The following NRG3 variants were observed in gnomAD, a reference collection of about 807,000 sequenced individuals.
The protein encoded by NRG3 is neuregulin 3.
In NRG3, 31 loss-of-function variants were observed where a neutral mutation model predicts 66.9. The ratio of observed to expected loss-of-function variants is 0.46; its 90% CI spans 0.35 to 0.63. NRG3 has a LOEUF of 0.63. Among genes scored for constraint, NRG3 ranks in the 20% least tolerant of loss-of-function variants. The pLI, the probability that NRG3 is intolerant of heterozygous loss-of-function variation, is 0.00. For synonymous variants in NRG3, 393 were observed against 359.4 expected (o/e 1.09, Z -1.06); for missense variants, 910 against 878.9 (o/e 1.04, Z -0.45).
chr10:82,468,656 A>G (rs1272462886), intron 2 of NRG3, among the ~76,000 whole-genome samples: 1 of 152,216 alleles, frequency 6.6e-6, no homozygotes, highest in Non-Finnish European at 1.5e-5. Flanking sequence ...GTGTTGAATT[A>G]CATCTAGGAA....
intron 1 of NRG3, among the ~76,000 whole-genome samples, chr10:81,972,713 T>A (rs2059976471): frequency 6.6e-6 from 1 of 152,056 alleles, no homozygotes; most frequent in Non-Finnish European, 1.5e-5. Flanking sequence ...ATTATAAGTG[T>A]AATTGTAACT....
chr10:82,615,966 T>C (rs145562378), intron 2 of NRG3, among the ~76,000 whole-genome samples: 57 of 152,294 alleles, frequency 3.7e-4, no homozygotes, highest in African/African-American at 1.3e-3. Flanking sequence ...GATATTATTT[T>C]TGAGCACTAA....
chr10:82,268,978 C>T (rs576687974), intron 1 of NRG3, among the ~76,000 whole-genome samples: 4 of 152,232 alleles, frequency 2.6e-5, no homozygotes, highest in Admixed American at 1.3e-4. Flanking sequence ...TGTTTCCCTT[C>T]ACTGTCAAAT....
At chr10:82,821,673 A>G (rs2061961091) in intron 3 of NRG3, among the ~76,000 whole-genome samples, 1 of 152,222 alleles carries the variant, frequency 6.6e-6, no homozygotes, top group East Asian at 1.9e-4. Context: ...TAAAAGTCTG[A>G]GAATCCCAGG....
chr10:82,968,348 GT>G (rs1851394602), intron 6 of NRG3, among the ~76,000 whole-genome samples: 2 of 152,228 alleles, frequency 1.3e-5, no homozygotes, highest in Non-Finnish European at 2.9e-5. Context: ...ACAAAATGCT[GT>G]GAGAGAAAGA....
intron 1 of NRG3, among the ~76,000 whole-genome samples, chr10:81,998,680 A>G (rs967791368): frequency 3.3e-5 from 5 of 152,240 alleles, no homozygotes; most frequent in African/African-American, 1.2e-4. Context: ...AGAGGACCCA[A>G]TGAATGTTAA....
At chr10:82,927,427 G>C (rs1029273841) in intron 4 of NRG3, among the ~76,000 whole-genome samples, 6 of 151,868 alleles carry the variant, frequency 4.0e-5, no homozygotes, top group Non-Finnish European at 7.4e-5. Flanking sequence ...AGGTATACAC[G>C]GGCTATGGTG....
intron 4 of NRG3, among the ~76,000 whole-genome samples, chr10:82,947,552 A>C (rs895856389): frequency 1.2e-4 from 19 of 152,128 alleles, no homozygotes; most frequent in Admixed American, 6.6e-5. Flanking sequence ...TTCCATCAGA[A>C]GTACATGAGA....
At chr10:82,658,248 A>T (rs2052030972) in intron 2 of NRG3, among the ~76,000 whole-genome samples, 2 of 152,192 alleles carry the variant, frequency 1.3e-5, no homozygotes, top group Non-Finnish European at 2.9e-5. Context: ...GTAAATTAAC[A>T]TTTGAAAATT....
chr10:82,669,277 AAT>A (rs2053058806), intron 2 of NRG3, among the ~76,000 whole-genome samples: 2 of 146,954 alleles, frequency 1.4e-5, no homozygotes, highest in Non-Finnish European at 3.0e-5. Context: ...TAATAATAAT[AAT>A]AATAATAATC....
At chr10:82,498,531 T>C (rs1018682548) in intron 2 of NRG3, among the ~76,000 whole-genome samples, 1 of 152,158 alleles carries the variant, frequency 6.6e-6, no homozygotes, top group African/African-American at 2.4e-5. Flanking sequence ...CATTGGTGGG[T>C]AGATGAATTC....
chr10:81,985,160 G>A (rs368891197), intron 1 of NRG3, among the ~76,000 whole-genome samples: 15 of 152,286 alleles, frequency 9.8e-5, no homozygotes, highest in Admixed American at 4.6e-4. Flanking sequence ...ACAATCCTTC[G>A]AGACAAGTGT....
intron 2 of NRG3, among the ~76,000 whole-genome samples, chr10:82,582,465 T>C (rs2046412774): frequency 6.6e-6 from 1 of 152,158 alleles, no homozygotes; most frequent in Non-Finnish European, 1.5e-5. Context: ...TCTTGCACTA[T>C]TCTTTAAGTC....
At chr10:82,467,839 C>T (rs889651852) in intron 2 of NRG3, among the ~76,000 whole-genome samples, 2 of 152,074 alleles carry the variant, frequency 1.3e-5, no homozygotes, top group African/African-American at 4.8e-5. Context: ...AAGGATATAT[C>T]ATATTAAATT....
intron 1 of NRG3, among the ~76,000 whole-genome samples, chr10:82,104,110 T>C (rs1419823567): frequency 6.6e-6 from 1 of 152,220 alleles, no homozygotes; most frequent in East Asian, 1.9e-4. Flanking sequence ...TTTTGACTTT[T>C]GTCTCTCATT....
chr10:82,758,937 A>G (rs1272088428), intron 3 of NRG3, among the ~76,000 whole-genome samples: 2 of 151,850 alleles, frequency 1.3e-5, no homozygotes, highest in Non-Finnish European at 2.9e-5. Flanking sequence ...GACCATCACC[A>G]CCCAAATCAA....
chr10:82,371,228 T>C (rs2084872749), intron 2 of NRG3, among the ~76,000 whole-genome samples: 1 of 152,116 alleles, frequency 6.6e-6, no homozygotes, highest in African/African-American at 2.4e-5. Flanking sequence ...GAAAATATCT[T>C]CCTCAACTAT....
At chr10:82,123,403 T>C (rs2068220237) in intron 1 of NRG3, among the ~76,000 whole-genome samples, 1 of 152,158 alleles carries the variant, frequency 6.6e-6, no homozygotes, top group Non-Finnish European at 1.5e-5. Flanking sequence ...TTCGTGCTTT[T>C]AAGTAGAGGT....
intron 2 of NRG3, among the ~76,000 whole-genome samples, chr10:82,657,137 C>G (rs1276971505): frequency 6.6e-6 from 1 of 152,184 alleles, no homozygotes. Context: ...AATCCTCATA[C>G]TTTGCTCTTT....
Sources: allele counts gnomAD v4.1 joint callset (sites outside exome capture counted in the v4.1 genomes callset), GRCh38; gene constraint gnomAD v4.1.1; transcripts MANE v1.5; gene names NCBI Gene and HGNC (gene_info 2026-07-23, HGNC 2026-07-21).